The following TRAPPC11 variants were observed in gnomAD, a reference collection of about 807,000 sequenced individuals.
TRAPPC11 encodes trafficking protein particle complex subunit 11, also known as foie gras homolog.
A neutral mutation model predicts 151.2 loss-of-function variants in TRAPPC11; 104 were observed. The ratio of observed to expected loss-of-function variants is 0.69; its 90% CI spans 0.59 to 0.81. The LOEUF is 0.81. Ranked by LOEUF, TRAPPC11 falls within the 30% of genes least tolerant of loss-of-function variation. The pLI is 0.00. For missense variants in TRAPPC11, 1,230 were observed against 1,349.6 expected (o/e 0.91, Z 1.39); for synonymous variants, 456 against 472.3 (o/e 0.97, Z 0.45).
chr4:183,685,265 A>G lies in TRAPPC11; in HGVS notation c.1630-6A>G, dbSNP rs1325862661. The stretch of plus-strand genomic sequence containing the variant: ...TTGAATGGATGTTAACTCTGTGTTG[A>G]TGCAGAATGAAAGTCCTGATCCAGA... On this transcript the variant is annotated splice_polypyrimidine_tract_variant and splice_region_variant and intron_variant, in intron 16 of 29. Transcript: ENST00000334690. 2 of 1,613,308 alleles carry G rather than the reference A, an allele frequency of 1.2e-6. No homozygotes were observed.
chr4:183,707,050 T>C, intron 28 of TRAPPC11, 110 bp downstream of exon 28: 1 of 1,342,632 alleles, frequency 7.4e-7, no homozygotes, highest in Admixed American at 2.4e-5. Flanking sequence ...CTGTGGTCCC[T>C]GTTGTTTTGG....
intron 10 of TRAPPC11, among the ~76,000 whole-genome samples, chr4:183,681,704 T>C (rs1483827798): frequency 1.3e-5 from 2 of 149,698 alleles, no homozygotes; most frequent in African/African-American, 2.5e-5. Flanking sequence ...GGCGTGAACC[T>C]GGGAGGCGGG....
intron 11 of TRAPPC11, among the ~76,000 whole-genome samples, chr4:183,683,062 G>A (rs963995503): frequency 6.6e-6 from 1 of 151,762 alleles, no homozygotes; most frequent in Non-Finnish European, 1.5e-5. Context: ...GCACATGCCT[G>A]TAGTCCCAGC....
intron 2 of TRAPPC11, among the ~76,000 whole-genome samples, chr4:183,664,550 C>T (rs1734743434): frequency 6.6e-6 from 1 of 152,084 alleles, no homozygotes; most frequent in Admixed American, 6.6e-5. Flanking sequence ...TAAACTAACA[C>T]AGTTTATTCA....
intron 25 of TRAPPC11, chr4:183,700,889 C>T (rs2111085968): frequency 6.6e-6 from 1 of 152,150 alleles, no homozygotes; most frequent in East Asian, 1.9e-4. Context: ...ACTCTGTCAC[C>T]CAGGCTGGAG....
At chr4:183,702,598 T>C (rs1390696349) in intron 26 of TRAPPC11, among the ~76,000 whole-genome samples, 1 of 152,200 alleles carries the variant, frequency 6.6e-6, no homozygotes, top group African/African-American at 2.4e-5. Context: ...ATGTATTTCT[T>C]AGGACTACGT....
chr4:183,686,276 A>T (rs1422955168), intron 17 of TRAPPC11, among the ~76,000 whole-genome samples: 2 of 152,070 alleles, frequency 1.3e-5, no homozygotes, highest in Admixed American at 1.3e-4. Flanking sequence ...AGCTGGGATT[A>T]TAGGTGCACA....
At chr4:183,667,269 A>G (rs1369772755) in intron 4 of TRAPPC11, 139 bp downstream of exon 4, 1 of 605,184 alleles carries the variant, frequency 1.7e-6, no homozygotes, top group Non-Finnish European at 2.9e-6. Flanking sequence ...AAAAGCACCA[A>G]TGATACATGA....
chr4:183,701,668 A>G (rs750104527), intron 25 of TRAPPC11, 29 bp from the exon 26 acceptor site: 7 of 1,480,062 alleles, frequency 4.7e-6, no homozygotes, highest in South Asian at 2.3e-5. Flanking sequence ...AAACCATTGC[A>G]TAAGGAATAT....
intron 1 of TRAPPC11, among the ~76,000 whole-genome samples, chr4:183,660,710 C>T (rs979827515): frequency 3.9e-5 from 6 of 152,166 alleles, no homozygotes; most frequent in Middle Eastern, 3.4e-3. Context: ...ATTTTGGTCA[C>T]TTGTTTTTTG....
intron 18 of TRAPPC11, among the ~76,000 whole-genome samples, chr4:183,691,090 G>T (rs955724224): frequency 6.6e-6 from 1 of 152,222 alleles, no homozygotes; most frequent in African/African-American, 2.4e-5. Context: ...CTGGGAGAGG[G>T]ATAGCTAAAT....
At chr4:183,683,738 A>G in intron 11 of TRAPPC11, 1 of 518,978 alleles carries the variant, frequency 1.9e-6, no homozygotes, top group South Asian at 2.4e-5. Context: ...TGCTTTTCAG[A>G]TCGTTGATTC....
intron 25 of TRAPPC11, 112 bp from the exon 26 acceptor site, chr4:183,701,585 A>G: frequency 2.8e-6 from 2 of 717,044 alleles, no homozygotes; most frequent in South Asian, 1.7e-5. Context: ...AAGTCTCTAC[A>G]AGTAATATAT....
chr4:183,686,756 T>A lies in TRAPPC11; in HGVS notation c.1893+8T>A. The A allele has an allele frequency of 1.2e-6, 2 of 1,613,602 alleles. No individual in the cohort carries two copies. The highest frequency in any genetic ancestry group is 1.7e-6 in the Non-Finnish European group (2 of 1,179,764). On this transcript the variant is annotated splice_region_variant and intron_variant, in intron 18 of 29. Coordinates refer to ENST00000334690, the MANE Select transcript of TRAPPC11 (RefSeq NM_021942.6). Reference sequence around the variant, plus strand: ...GTCAGCTTTAATAATCAGGTAATGATGCCATGTCATGTGTTTTTACCACGT... The same window carrying A: ...GTCAGCTTTAATAATCAGGTAATGAAGCCATGTCATGTGTTTTTACCACGT...
chr4:183,693,005 G>C lies in TRAPPC11; in HGVS notation c.2095G>C (p.Val699Leu). ...LALGNETGRC[V>L]VLNWQGGGGD... is the part of the protein sequence containing the mutation. ...TCTGGGCAATGAGACGGGAAGATGT[G>C]TGGTTTTAAATTGGCAGGGAGGAGG... Residue 699 changes from valine to leucine, a missense_variant, in exon 20 of 30, where the codon GTG becomes CTG. By Grantham distance (32) the Val-to-Leu change is conservative (BLOSUM62 1). Coordinates refer to ENST00000334690, the MANE Select transcript of TRAPPC11 (RefSeq NM_021942.6). The C allele has an allele frequency of 6.2e-7, 1 of 1,613,736 alleles. No individual in the cohort carries two copies. The highest frequency in any genetic ancestry group is 8.5e-7 in the Non-Finnish European group (1 of 1,179,826).
At chr4:183,679,614 A>G (rs750077040) in intron 9 of TRAPPC11, 128 bp downstream of exon 9, 34 of 671,556 alleles carry the variant, frequency 5.1e-5, no homozygotes, top group Non-Finnish European at 6.8e-5. Flanking sequence ...ATGATGTAGC[A>G]TAAGTATGTT....
chr4:183,666,078 T>C (rs1037929324), intron 2 of TRAPPC11, 179 bp from the exon 3 acceptor site: 14 of 502,798 alleles, frequency 2.8e-5, no homozygotes, highest in East Asian at 2.6e-4. Context: ...TTCTCCAGGG[T>C]TGAGATTCCA....
intron 5 of TRAPPC11, among the ~76,000 whole-genome samples, chr4:183,674,346 A>G (rs1735301676): frequency 6.6e-6 from 1 of 151,100 alleles, no homozygotes; most frequent in African/African-American, 2.4e-5. Context: ...TGAACCAGGG[A>G]AGTGGAAGTT....
At chr4:183,673,198 G>C (rs1045272576) in intron 5 of TRAPPC11, among the ~76,000 whole-genome samples, 1 of 151,872 alleles carries the variant, frequency 6.6e-6, no homozygotes, top group Non-Finnish European at 1.5e-5. Flanking sequence ...TCCTGACCTC[G>C]TGATCCGCCT....
Sources: allele counts gnomAD v4.1 joint callset (sites outside exome capture counted in the v4.1 genomes callset), GRCh38; gene constraint gnomAD v4.1.1; transcripts MANE v1.5; gene names NCBI Gene and HGNC (gene_info 2026-07-23, HGNC 2026-07-21).